Variants in CUL2 observed in about 807,000 individuals in gnomAD.
CUL2 encodes cullin 2.
In CUL2, 22 loss-of-function variants were observed where a neutral mutation model predicts 110.2. The ratio of observed to expected loss-of-function variants is 0.20; its 90% CI spans 0.14 to 0.28. CUL2 has a LOEUF of 0.28. Ranked by LOEUF, CUL2 falls within the 10% of genes least tolerant of loss-of-function variation. CUL2 has a pLI of 1.00. For missense variants in CUL2, 631 were observed against 905.5 expected, an observed-to-expected ratio of 0.70 and a Z score of 3.89; for synonymous variants, 279 against 293.2, an observed-to-expected ratio of 0.95 and a Z score of 0.49.
At chr10:35,014,300 A>G (rs566167209) in intron 18 of CUL2, among the ~76,000 whole-genome samples, 88 of 152,296 alleles carry the variant, frequency 5.8e-4, no homozygotes, top group African/African-American at 1.9e-3. Flanking sequence ...ACCTGGGGTG[A>G]TGGTGAAAAC....
At chr10:35,036,630 T>C (rs1588977877) in intron 9 of CUL2, among the ~76,000 whole-genome samples, 1 of 152,218 alleles carries the variant, frequency 6.6e-6, no homozygotes, top group East Asian at 1.9e-4. Flanking sequence ...CATCTGGGTA[T>C]CTTCTATTCT....
intron 5 of CUL2, among the ~76,000 whole-genome samples, chr10:35,053,794 A>T (rs2086173740): frequency 6.6e-6 from 1 of 152,184 alleles, no homozygotes; most frequent in African/African-American, 2.4e-5. Flanking sequence ...ACAAGTTAAC[A>T]TTAATTTCCT....
intron 6 of CUL2, among the ~76,000 whole-genome samples, chr10:35,046,589 T>G (rs2085946739): frequency 6.6e-6 from 1 of 152,100 alleles, no homozygotes; most frequent in Non-Finnish European, 1.5e-5. Flanking sequence ...ACCAACTCAT[T>G]ATCTTAAAAA....
chr10:35,116,326 C>T (rs1466643094), intron 1 of CUL2, among the ~76,000 whole-genome samples: 2 of 151,934 alleles, frequency 1.3e-5, no homozygotes, highest in Non-Finnish European at 2.9e-5. Context: ...GCCTGGGCGA[C>T]GGAGCCAGAC....
At chr10:35,100,944 C>G (rs189582962) in exon 2 of CUL2, 2 of 152,286 alleles carry the variant, frequency 1.3e-5, no homozygotes, top group African/African-American at 4.8e-5. Context: ...GGTTTTCTTT[C>G]CATGTCGCCA....
intron 1 of CUL2, among the ~76,000 whole-genome samples, chr10:35,077,517 TAAAAA>T (rs2086849351): frequency 2.7e-5 from 4 of 150,338 alleles, no homozygotes; most frequent in South Asian, 4.2e-4. Context: ...AATAATAAAA[TAAAAA>T]GAAATAAAAA....
At chr10:35,051,096 A>C (rs1311442516) in intron 5 of CUL2, among the ~76,000 whole-genome samples, 1 of 152,008 alleles carries the variant, frequency 6.6e-6, no homozygotes, top group Non-Finnish European at 1.5e-5. Context: ...CGGGCGGATC[A>C]CGAGGTCAGG....
intron 2 of CUL2, among the ~76,000 whole-genome samples, chr10:35,066,261 TA>T (rs1234235429): frequency 2.0e-5 from 3 of 148,952 alleles, no homozygotes; most frequent in East Asian, 1.9e-4. Context: ...ATTTGACAAT[TA>T]AAAAAAATAT....
chr10:35,047,622 A>AT (rs2085978296), intron 6 of CUL2, among the ~76,000 whole-genome samples: 1 of 150,280 alleles, frequency 6.7e-6, no homozygotes, highest in Non-Finnish European at 1.5e-5. Context: ...AAAAAAAAAA[A>AT]ATACAGGCAT....
At chr10:35,123,921 A>T (rs1445994198) in intron 1 of CUL2, among the ~76,000 whole-genome samples, 1 of 152,256 alleles carries the variant, frequency 6.6e-6, no homozygotes, top group Non-Finnish European at 1.5e-5. Flanking sequence ...GTTTGAGGAC[A>T]GTATAGAAGA....
intron 10 of CUL2, among the ~76,000 whole-genome samples, chr10:35,034,042 C>G (rs1162162396): frequency 6.6e-6 from 1 of 152,184 alleles, no homozygotes; most frequent in Non-Finnish European, 1.5e-5. Flanking sequence ...AAGACAATCC[C>G]TCACATCTCA....
At chr10:35,088,499 CAAAA>C (rs9299718) in intron 1 of CUL2, among the ~76,000 whole-genome samples, 14,961 of 88,224 alleles carry the variant, frequency 0.17, 677 homozygotes, top group Middle Eastern at 0.27. Context: ...GACTCCGCCT[CAAAA>C]AAAAAAAAAA....
chr10:35,049,581 C>A, intron 6 of CUL2, 102 bp downstream of exon 6: 6 of 842,400 alleles, frequency 7.1e-6, no homozygotes, highest in South Asian at 6.0e-5. Flanking sequence ...ACAGTAAAAC[C>A]AGCCCCAAGG....
chr10:35,117,637 A>T (rs1347413792), intron 1 of CUL2, among the ~76,000 whole-genome samples: 1 of 152,162 alleles, frequency 6.6e-6, no homozygotes, highest in Non-Finnish European at 1.5e-5. Flanking sequence ...CAACATTGGC[A>T]CAATGAATAG....
chr10:35,013,797 C>A lies in CUL2; in HGVS notation c.1891G>T (p.Asp631Tyr). Reference sequence around the variant, plus strand: ...GAAAACGAAGATTCTGCATCAATATCTTCCTACATTTAAAAATAAAACATT... The same window carrying A: ...GAAAACGAAGATTCTGCATCAATATATTCCTACATTTAAAAATAAAACATT... Reference protein sequence around the residue: ...KMINHDSEKEDIDAESSFSLN... With the variant: ...KMINHDSEKEYIDAESSFSLN... The change falls in exon 19 of 21, where the codon GAT (aspartate) becomes TAT (tyrosine). Residue 631 changes from aspartate (D) to tyrosine (Y), a missense_variant. Transcript: ENST00000374749. 1.4e-6 allele frequency: 2 copies of A among 1,464,702 alleles called. No homozygotes were observed. Among genetic ancestry groups the A allele is most frequent in the African/African-American group, 1.4e-5 (1 of 70,964 alleles). 90.7% of individuals were successfully genotyped at this position (1,464,702 alleles called of 1,614,324 possible).
chr10:35,012,459 T>C (rs1237943291), intron 19 of CUL2, among the ~76,000 whole-genome samples: 1 of 152,068 alleles, frequency 6.6e-6, no homozygotes, highest in Admixed American at 6.6e-5. Context: ...TAGCTCCAAA[T>C]GCATACTGGA....
chr10:35,062,271 C>T (rs921306465), intron 3 of CUL2, among the ~76,000 whole-genome samples: 1 of 152,122 alleles, frequency 6.6e-6, no homozygotes, highest in Non-Finnish European at 1.5e-5. Context: ...CTTCTATCAC[C>T]ATTTACCATT....
intron 1 of CUL2, chr10:35,074,211 A>G: frequency 6.5e-7 from 1 of 1,535,442 alleles, no homozygotes; most frequent in Admixed American, 2.0e-5. Context: ...AAAGTTGACC[A>G]TGTTACTCTG....
At chr10:35,046,403 C>A (rs1046068652) in intron 6 of CUL2, among the ~76,000 whole-genome samples, 1 of 152,210 alleles carries the variant, frequency 6.6e-6, no homozygotes, top group Non-Finnish European at 1.5e-5. Flanking sequence ...CCCAAGCAAA[C>A]ATCTACATAT....
Sources: gnomAD v4.1 joint callset for allele counts (sites outside exome capture counted in the v4.1 genomes callset) on GRCh38, gnomAD v4.1.1 for gene constraint, MANE v1.5 for transcripts, NCBI Gene and HGNC (gene_info 2026-07-23, HGNC 2026-07-21) for gene names.